The following JMY variants were observed in gnomAD, a reference collection of about 807,000 sequenced individuals.
JMY encodes the protein junction mediating and regulatory protein, p53 cofactor, also known as junction-mediating and -regulatory protein.
Under a neutral mutation model 103.3 loss-of-function variants are expected in JMY, and 46 were observed. The ratio of observed to expected loss-of-function variants is 0.45; its 90% confidence interval spans 0.35 to 0.57. The LOEUF is 0.57. Among genes scored for constraint, JMY ranks in the 20% least tolerant of loss-of-function variants. The pLI, the probability that JMY is intolerant of heterozygous loss-of-function variation, is 0.00. For missense variants in JMY, 1,238 were observed against 1,255.2 expected, an observed-to-expected ratio of 0.99 and a Z score of 0.21; for synonymous variants, 526 against 489.3, an observed-to-expected ratio of 1.07 and a Z score of -0.99.
At chr5:79,290,041 TG>T in intron 2 of JMY, 79 bp from the exon 3 acceptor site, 2 of 942,834 alleles carry the variant, frequency 2.1e-6, no homozygotes, top group Non-Finnish European at 1.5e-6. Context: ...GTATTCTTTG[TG>T]GTATATAAAC....
At chr5:79,243,221 C>T (rs1352114922) in intron 1 of JMY, among the ~76,000 whole-genome samples, 4 of 152,152 alleles carry the variant, frequency 2.6e-5, no homozygotes, top group South Asian at 2.1e-4. Context: ...AACAGGTGTC[C>T]TCCCAAGGAT....
At chr5:79,298,103 A>G (rs574108685) in intron 4 of JMY, among the ~76,000 whole-genome samples, 2 of 152,284 alleles carry the variant, frequency 1.3e-5, no homozygotes, top group South Asian at 4.1e-4. Flanking sequence ...AAACTTACAG[A>G]GTGCTAGGGG....
intron 2 of JMY, among the ~76,000 whole-genome samples, chr5:79,283,603 C>G (rs945637796): frequency 6.6e-6 from 1 of 152,198 alleles, no homozygotes; most frequent in Admixed American, 6.5e-5. Context: ...CTCACAGATT[C>G]TAAGTCTACT....
In JMY at chr5:79,282,067, C is replaced by T. The variant is rs1314058037; in HGVS notation, c.1206+3984C>T. On this transcript the variant is annotated intron_variant, in intron 2 of 10. Coordinates refer to ENST00000396137, the MANE Select transcript of JMY (RefSeq NM_152405.5). ...AAAAATACAAAAAAAATTGGCCGGG[C>T]ATGGTGGTGGCCACCTGTAGTCCCA... Among the ~76,000 whole-genome samples, 3 of 152,026 alleles carry T rather than the reference C, an allele frequency of 2.0e-5. No individual in the cohort carries two copies. In the South Asian group the frequency reaches 6.2e-4, roughly 32 times the overall value.
intron 1 of JMY, among the ~76,000 whole-genome samples, chr5:79,243,182 G>A (rs1327928428): frequency 1.3e-5 from 2 of 151,738 alleles, no homozygotes; most frequent in Non-Finnish European, 2.9e-5. Context: ...GGGGCAAGGG[G>A]CAAGGAGCTC....
intron 1 of JMY, among the ~76,000 whole-genome samples, chr5:79,264,204 A>G (rs1467319646): frequency 6.6e-6 from 1 of 151,238 alleles, no homozygotes; most frequent in African/African-American, 2.4e-5. Flanking sequence ...TTTCACCTCA[A>G]CCTCCTGAGT....
rs1744565066 is a variant in JMY at position 79,237,569 on chromosome 5, C to G, written c.919C>G (p.Gln307Glu). The G allele has an allele frequency of 6.2e-7, 1 of 1,613,678 alleles. No individual in the cohort carries two copies. ...CACCTGCGGCTGGAAGATCCTCTCC[C>G]AGGTGCTCTTCACCGAGACCGATGA... ...LDTCGWKILSQVLFTETDDPE... is the reference protein window; with the variant it reads ...LDTCGWKILSEVLFTETDDPE... The change falls in exon 1 of 11, where the codon CAG (glutamine) becomes GAG (glutamate). Residue 307 changes from glutamine (Q) to glutamate (E), a missense_variant. By Grantham distance (29) the Gln-to-Glu change is conservative. Transcript: ENST00000396137.
chr5:79,246,354 A>G (rs976706847), intron 1 of JMY, among the ~76,000 whole-genome samples: 4 of 152,222 alleles, frequency 2.6e-5, no homozygotes, highest in Admixed American at 6.5e-5. Flanking sequence ...AATAACTGCA[A>G]TAGTTAGTTA....
Position 79,324,471 on chromosome 5 carries a change from T to C in JMY, c.*2869T>C, listed in dbSNP as rs1747566360. 6.6e-6 allele frequency: 1 copy of C among 152,236 alleles called. No individual in the cohort carries two copies. Among genetic ancestry groups the C allele is most frequent in the Non-Finnish European group, 1.5e-5 (1 of 68,030 alleles). 9.4% of individuals were successfully genotyped at this position (152,236 alleles called of 1,614,324 possible). ...AATCTAGTCTCAACTGCAATGCATT[T>C]AAAATAGGTAAAACAAGTAAATGAG... On this transcript the variant is annotated 3_prime_UTR_variant, in exon 11 of 11. Coordinates refer to ENST00000396137, the MANE Select transcript of JMY (RefSeq NM_152405.5).
intron 2 of JMY, chr5:79,284,346 T>G: frequency 7.7e-7 from 1 of 1,301,302 alleles, no homozygotes; most frequent in Non-Finnish European, 1.1e-6. Context: ...TCTTTTCCAA[T>G]GCTGTCTGGA....
intron 1 of JMY, among the ~76,000 whole-genome samples, chr5:79,258,311 G>GTTTTTTTTTTTTTTTTTTT (rs1491360478): frequency 1.2e-5 from 1 of 81,812 alleles, no homozygotes; most frequent in African/African-American, 3.2e-5. Flanking sequence ...TTTTGTTTTT[G>GTTTTTTTTTTTTTTTTTTT]TTGTTTTTTT....
chr5:79,275,441 G>A (rs758935214), intron 1 of JMY, among the ~76,000 whole-genome samples: 47 of 152,156 alleles, frequency 3.1e-4, no homozygotes, highest in East Asian at 1.9e-4. Flanking sequence ...GATTACAGGC[G>A]TGAGCCACCG....
At chr5:79,256,402 A>G (rs1163083848) in intron 1 of JMY, among the ~76,000 whole-genome samples, 1 of 151,994 alleles carries the variant, frequency 6.6e-6, no homozygotes, top group Non-Finnish European at 1.5e-5. Flanking sequence ...CAGGGACCCC[A>G]TGAGCCCACT....
intron 1 of JMY, among the ~76,000 whole-genome samples, chr5:79,272,666 T>G (rs554095173): frequency 1.3e-5 from 2 of 152,178 alleles, no homozygotes; most frequent in Non-Finnish European, 2.9e-5. Flanking sequence ...CAGGGCTTTG[T>G]TCTTTCTCCC....
rs1193673749 is a variant in JMY, at chr5:79,277,270, G to C, written c.1033-640G>C. 2.0e-5 allele frequency among the ~76,000 whole-genome samples: 3 copies of C among 152,102 alleles called. No individual in the cohort carries two copies. In the East Asian group the frequency reaches 5.8e-4, roughly 29 times the overall value. ...ATGATTTTGAAGGAGGTGACAGGTA[G>C]AAATTGAAGAAATTTATTGGAAATG... On this transcript the variant is annotated intron_variant, in intron 1 of 10. Transcript: ENST00000396137.
chr5:79,256,415 G>T (rs1407627144), intron 1 of JMY, among the ~76,000 whole-genome samples: 1 of 152,030 alleles, frequency 6.6e-6, no homozygotes, highest in African/African-American at 2.4e-5. Context: ...AGCCCACTTG[G>T]TGTTCTACCC....
intron 1 of JMY, among the ~76,000 whole-genome samples, chr5:79,240,079 G>C (rs966603631): frequency 1.3e-5 from 2 of 151,216 alleles, no homozygotes; most frequent in African/African-American, 4.9e-5. Flanking sequence ...GTAGTGGCGC[G>C]ATCTTGGCTC....
At chr5:79,258,009 TG>T (rs1014940822) in intron 1 of JMY, among the ~76,000 whole-genome samples, 43 of 152,172 alleles carry the variant, frequency 2.8e-4, no homozygotes, top group Middle Eastern at 3.4e-3. Context: ...GTGGTCCGCC[TG>T]CCTCAGACTC....
Position 79,284,140 on chromosome 5 carries a change from A to T in JMY, c.1207-5981A>T. On this transcript the variant is annotated intron_variant, in intron 2 of 10. Coordinates refer to ENST00000396137, the MANE Select transcript of JMY (RefSeq NM_152405.5). ...TATTTGAAGTCTGAACTTTAAACAG[A>T]TTCTTGGACTGGTGGTTCAAAACCA... 3.2e-6 allele frequency: 5 copies of T among 1,540,606 alleles called. No individual in the cohort carries two copies. The South Asian group carries it at 6.0e-5, about 19-fold the overall frequency.
Sources: allele counts gnomAD v4.1 joint callset (sites outside exome capture counted in the v4.1 genomes callset), GRCh38; gene constraint gnomAD v4.1.1; transcripts MANE v1.5; gene names NCBI Gene and HGNC (gene_info 2026-07-23, HGNC 2026-07-21).